PPFIA1: variants seen among roughly 807,000 people sequenced by gnomAD.
PPFIA1 encodes the protein liprin-alpha-1.
PPFIA1 carries 25 observed loss-of-function variants against 149.9 expected under a neutral mutation model. The observed-to-expected ratio is 0.17, with a 90% CI of 0.12 to 0.23. The LOEUF (loss-of-function observed/expected upper bound fraction) is 0.23. Among genes scored for constraint, PPFIA1 ranks in the 10% least tolerant of loss-of-function variants. PPFIA1 has a pLI of 1.00. For missense variants in PPFIA1, 1,362 were observed against 1,506.5 expected, an observed-to-expected ratio of 0.90 and a Z score of 1.59; for synonymous variants, 549 against 552.8, an observed-to-expected ratio of 0.99 and a Z score of 0.10.
rs7943276 is a variant in PPFIA1 at position 70,354,420 on chromosome 11, C to T, written c.2283C>T (p.Thr761=). The T allele has an allele frequency of 4.3e-6, 7 of 1,613,758 alleles. No homozygotes were observed. The highest frequency in any genetic ancestry group is 4.0e-5 in the African/African-American group (3 of 74,838). The change falls in exon 17 of 28, where the codon ACC becomes ACT. Residue 761 remains threonine, a synonymous_variant. Coordinates refer to ENST00000253925, the MANE Select transcript of PPFIA1 (RefSeq NM_003626.5). The stretch of plus-strand genomic sequence containing the variant: ...GGCTGCACAAAGGGGCGCTGCACAC[C>T]GTCAGCCACGAGGACATCAGGGACA... ...LDRLHKGALH[T]VSHEDIRDIR...
chr11:70,304,884 C>A (rs2052746001), intron 2 of PPFIA1, among the ~76,000 whole-genome samples: 1 of 152,140 alleles, frequency 6.6e-6, no homozygotes, highest in Admixed American at 6.5e-5. Context: ...GAGGTCAGCA[C>A]CCCCTCATTT....
intron 17 of PPFIA1, among the ~76,000 whole-genome samples, chr11:70,354,887 C>T (rs2056271117): frequency 6.6e-6 from 1 of 151,978 alleles, no homozygotes; most frequent in South Asian, 2.1e-4. Context: ...GTGAGTGTCC[C>T]CTCTCAGGAA....
At chr11:70,297,658 T>C (rs1266435700) in intron 2 of PPFIA1, among the ~76,000 whole-genome samples, 1 of 152,180 alleles carries the variant, frequency 6.6e-6, no homozygotes, top group African/African-American at 2.4e-5. Context: ...AGAAAAATTA[T>C]TGTAAGGATT....
intron 16 of PPFIA1, 53 bp downstream of exon 16, chr11:70,348,473 A>G: frequency 7.2e-7 from 1 of 1,393,464 alleles, no homozygotes; most frequent in East Asian, 2.3e-5. Flanking sequence ...CCTGTATGAA[A>G]TCTTGGACAC....
chr11:70,278,394 T>C (rs1480998005), intron 2 of PPFIA1, among the ~76,000 whole-genome samples: 2 of 152,240 alleles, frequency 1.3e-5, no homozygotes, highest in Non-Finnish European at 2.9e-5. Context: ...CGTGGTCATT[T>C]CCTTGCACCA....
chr11:70,287,731 C>T (rs1363229936), intron 2 of PPFIA1, among the ~76,000 whole-genome samples: 1 of 151,990 alleles, frequency 6.6e-6, no homozygotes, highest in East Asian at 1.9e-4. Flanking sequence ...GTATTCTCAG[C>T]CTCCCTAGCT....
chr11:70,293,723 G>A (rs775983891), intron 2 of PPFIA1, among the ~76,000 whole-genome samples: 5 of 152,130 alleles, frequency 3.3e-5, no homozygotes, highest in Admixed American at 6.5e-5. Flanking sequence ...GCCAGTCTCC[G>A]AAGGGTCTTT....
intron 2 of PPFIA1, chr11:70,282,294 A>G (rs2050806637): frequency 6.5e-6 from 1 of 152,774 alleles, no homozygotes; most frequent in Non-Finnish European, 1.5e-5. Context: ...AGTGGCAAAG[A>G]AGGAGGCTAG....
At chr11:70,367,767 T>C in intron 21 of PPFIA1, 1 of 361,938 alleles carries the variant, frequency 2.8e-6, no homozygotes, top group African/African-American at 2.1e-5. Flanking sequence ...TTTAGACAAT[T>C]CCTTTGTTTA....
At chr11:70,333,225 A>T (rs184532695) in intron 9 of PPFIA1, 132 of 573,464 alleles carry the variant, frequency 2.3e-4, no homozygotes, top group Non-Finnish European at 6.2e-5. Context: ...GGTTGGGGGG[A>T]AAACACCCAG....
At chr11:70,288,412 G>C (rs2051300383) in intron 2 of PPFIA1, among the ~76,000 whole-genome samples, 1 of 152,088 alleles carries the variant, frequency 6.6e-6, no homozygotes. Flanking sequence ...ACAATTCCCA[G>C]AGCTCTCCTT....
chr11:70,276,180 C>T (rs1156487413), intron 2 of PPFIA1, among the ~76,000 whole-genome samples: 2 of 151,964 alleles, frequency 1.3e-5, no homozygotes, highest in East Asian at 3.9e-4. Context: ...CATCATAGCT[C>T]GCTGTAGCCT....
In PPFIA1 at chr11:70,335,699, G is replaced by A; in HGVS notation, c.1428+5G>A. On this transcript the variant is annotated splice_donor_5th_base_variant and intron_variant, in intron 11 of 27. Coordinates refer to ENST00000253925, the MANE Select transcript of PPFIA1 (RefSeq NM_003626.5). ...ATGGCTGCTTTGGAAGATAAGGTAA[G>A]TTAGATAACACGGACATGCTGGAGC... The A allele has an allele frequency of 1.2e-6, 2 of 1,613,712 alleles. No individual in the cohort carries two copies. Among genetic ancestry groups the A allele is most frequent in the South Asian group, 2.2e-5 (2 of 91,050 alleles).
chr11:70,326,435 A>G, intron 6 of PPFIA1, 72 bp downstream of exon 6: 2 of 1,409,998 alleles, frequency 1.4e-6, no homozygotes, highest in South Asian at 2.5e-5. Flanking sequence ...TTATGTGGAA[A>G]ACAGTTGCTA....
chr11:70,276,426 G>A (rs1440555877), intron 2 of PPFIA1, among the ~76,000 whole-genome samples: 1 of 152,022 alleles, frequency 6.6e-6, no homozygotes, highest in Non-Finnish European at 1.5e-5. Flanking sequence ...ATTATATTTG[G>A]TAGTATTTTG....
At position 70,370,612 on chromosome 11, in the gene PPFIA1, T is replaced by C. The variant is rs1030756825; in HGVS notation, c.2866-1603T>C. Among the ~76,000 whole-genome samples, 5 of 152,148 alleles carry C rather than the reference T, an allele frequency of 3.3e-5. 1 individual carries two copies. The South Asian group carries it at 8.3e-4, about 25-fold the overall frequency. On this transcript the variant is annotated intron_variant, in intron 21 of 27. Coordinates refer to ENST00000253925, the MANE Select transcript of PPFIA1 (RefSeq NM_003626.5). ...ATGTTGGCGAGGCTGGTGTCGGAAC[T>C]CCTGACCAAAGGTGATCCGCCTGCC...
chr11:70,334,163 A>T (rs982188983), intron 10 of PPFIA1, among the ~76,000 whole-genome samples: 1 of 152,114 alleles, frequency 6.6e-6, no homozygotes, highest in Admixed American at 6.5e-5. Flanking sequence ...GTCAATATGG[A>T]ACATCCAGGA....
At chr11:70,338,534 A>T in intron 13 of PPFIA1, 81 bp downstream of exon 13, 1 of 1,145,144 alleles carries the variant, frequency 8.7e-7, no homozygotes, top group Non-Finnish European at 1.3e-6. Context: ...GCCTAACTGG[A>T]TGTGGCTAAT....
chr11:70,282,631 C>G (rs2136103629), intron 2 of PPFIA1, among the ~76,000 whole-genome samples: 1 of 143,948 alleles, frequency 6.9e-6, no homozygotes, highest in African/African-American at 2.6e-5. Flanking sequence ...TGGGTTCACA[C>G]CATTCTTCTG....
Sources: gnomAD v4.1 joint callset for allele counts (sites outside exome capture counted in the v4.1 genomes callset) on GRCh38, gnomAD v4.1.1 for gene constraint, MANE v1.5 for transcripts, NCBI Gene and HGNC (gene_info 2026-07-23, HGNC 2026-07-21) for gene names.